Variants in HECTD4 observed in about 807,000 individuals in gnomAD.
HECTD4 encodes the protein probable E3 ubiquitin-protein ligase HECTD4.
In HECTD4, 114 loss-of-function variants were observed where a neutral mutation model predicts 471.5. That is an observed-to-expected ratio of 0.24 (90% CI 0.21 to 0.28). The LOEUF (loss-of-function observed/expected upper bound fraction) is 0.28, where lower values mean the gene tolerates loss of function less well. Among genes scored for constraint, HECTD4 ranks in the 10% least tolerant of loss-of-function variants. The pLI, the probability that HECTD4 is intolerant of heterozygous loss-of-function variation, is 1.00. For synonymous variants in HECTD4, 2,012 were observed against 2,256.0 expected (o/e 0.89, Z 3.07); for missense variants, 3,866 against 5,651.5 (o/e 0.68, Z 10.13).
chr12:112,179,348 C>T lies in HECTD4; in HGVS notation c.11037G>A (p.Lys3679=). 1 of 1,613,296 alleles carries T rather than the reference C, an allele frequency of 6.2e-7. No homozygotes were observed. Among genetic ancestry groups the T allele is most frequent in the Middle Eastern group, 1.6e-4 (1 of 6,062 alleles). ...GCGTCTGCTCTGAATGGGCACAACT[C>T]TTAAATATCTCCGTCAGAACCTCTC... ...GAREVLTEIF[K]SCAHSEQTLS... Residue 3679 remains lysine, a synonymous_variant, in exon 63 of 76, where the codon AAG becomes AAA. Transcript: ENST00000682272. The surrounding 1 kb of genome is among the most constrained non-coding windows in gnomAD (Gnocchi z 4.3).
intron 2 of HECTD4, among the ~76,000 whole-genome samples, chr12:112,314,775 C>G (rs936055805): frequency 6.6e-6 from 1 of 152,174 alleles, no homozygotes; most frequent in African/African-American, 2.4e-5. Flanking sequence ...AGAAGTTCTC[C>G]TTGCATTTGG....
chr12:112,267,102 C>G (rs1164745409), intron 13 of HECTD4, 120 bp from the exon 14 acceptor site: 2 of 642,102 alleles, frequency 3.1e-6, no homozygotes, highest in African/African-American at 3.7e-5. Context: ...CTGGCTGCGA[C>G]ATCTGTCACC....
chr12:112,214,053 ATAATTT>A (rs2032843187), intron 48 of HECTD4, among the ~76,000 whole-genome samples: 2 of 152,072 alleles, frequency 1.3e-5, no homozygotes, highest in Admixed American at 6.6e-5. Context: ...AAATACATAT[ATAATTT>A]TAAACTTCAC....
intron 20 of HECTD4, 162 bp downstream of exon 20, chr12:112,258,326 GCTATAAAT>G: frequency 2.3e-6 from 1 of 434,832 alleles, no homozygotes; most frequent in Non-Finnish European, 4.0e-6. Context: ...CTAACCAGTT[GCTATAAAT>G]CTACAAAGCA....
chr12:112,229,540 T>A (rs1013081573), intron 41 of HECTD4, among the ~76,000 whole-genome samples, 158 bp downstream of exon 41: 4 of 152,216 alleles, frequency 2.6e-5, no homozygotes, highest in African/African-American at 9.6e-5. Flanking sequence ...CAGTGTGGAT[T>A]TGAATTCAAG....
At chr12:112,252,608 T>G (rs1294270087) in intron 22 of HECTD4, 80 bp from the exon 23 acceptor site, 27 of 1,502,966 alleles carry the variant, frequency 1.8e-5, no homozygotes, top group Non-Finnish European at 2.3e-5. Context: ...TTTCAGAGGT[T>G]TACTTTCAAA....
chr12:112,233,855 A>G (rs1333852274), intron 37 of HECTD4, among the ~76,000 whole-genome samples: 6 of 152,180 alleles, frequency 3.9e-5, no homozygotes, highest in Non-Finnish European at 5.9e-5. Flanking sequence ...GTTTTTTTCA[A>G]ACAAAACTGT....
At chr12:112,269,334 G>A (rs2034363348) in intron 13 of HECTD4, among the ~76,000 whole-genome samples, 1 of 152,140 alleles carries the variant, frequency 6.6e-6, no homozygotes, top group Admixed American at 6.5e-5. Context: ...GGTCACACTA[G>A]TGAGTGGCAA....
rs961733336 is a variant in HECTD4, at chr12:112,267,110, A to T, written c.2322-128T>A. 4.4e-5 allele frequency: 28 copies of T among 631,334 alleles called. 1 individual carries two copies. Among genetic ancestry groups the T allele is most frequent in the Middle Eastern group, 8.7e-4 (2 of 2,294 alleles). The allele number at this position is 631,334 out of a possible 1,614,324, so 39.1% of individuals were successfully genotyped here. ...GGGCAATCTGGCTGCGACATCTGTC[A>T]CCCCATTGATCGCTGGGGTTGATTC... On this transcript the variant is annotated intron_variant, in intron 13 of 75. Transcript: ENST00000682272.
Position 112,265,197 on chromosome 12 carries a change from T to C in HECTD4, c.2597A>G (p.Gln866Arg). The C allele has an allele frequency of 6.2e-7, 1 of 1,603,518 alleles. No individual in the cohort carries two copies. Among genetic ancestry groups the C allele is most frequent in the Non-Finnish European group, 8.5e-7 (1 of 1,175,628 alleles). ...KCQTVSKDDF[Q>R]KLLSTVPAAS... ...TACAGGCACAGTTGAAAGGAGCTTT[T>C]GAAAATCATCTTTAGAGACAGTTTG... Residue 866 changes from glutamine to arginine, a missense_variant, in exon 16 of 76, where the codon CAA becomes CGA. Gln to Arg is a conservative substitution (Grantham distance 43, BLOSUM62 1). Around this residue, in one of 16 missense-constraint regions of HECTD4, gnomAD observed 525 missense variants for 672.6 expected, o/e 0.78. Coordinates refer to ENST00000682272, the MANE Select transcript of HECTD4 (RefSeq NM_001388303.1).
intron 23 of HECTD4, 149 bp downstream of exon 23, chr12:112,252,275 A>C: frequency 1.5e-6 from 1 of 662,506 alleles, no homozygotes; most frequent in Non-Finnish European, 2.4e-6. Context: ...AGTACTACTA[A>C]CTGCTAGTAG....
At chr12:112,240,454 C>CT (rs1007880733) in intron 32 of HECTD4, among the ~76,000 whole-genome samples, 129 of 142,532 alleles carry the variant, frequency 9.1e-4, no homozygotes, top group East Asian at 8.1e-4. Context: ...CTTTTCTTTT[C>CT]TTTTTTTTTT....
At position 112,203,995 on chromosome 12, in the gene HECTD4, C is replaced by G. The variant is rs556323501; in HGVS notation, c.8270-223G>C. The stretch of plus-strand genomic sequence containing the variant: ...TAATAGAACGTTGTAAAAGCTCTTA[C>G]AATTGAAGAATAAAAAGACAAATAA... On this transcript the variant is annotated intron_variant, in intron 53 of 75. Transcript: ENST00000682272. Among the ~76,000 whole-genome samples the G allele has an allele frequency of 3.9e-5, 6 of 152,274 alleles. No homozygotes were observed. The East Asian group carries it at 1.2e-3, about 29-fold the overall frequency.
intron 12 of HECTD4, 21 bp from the exon 13 acceptor site, chr12:112,269,870 T>C (rs753634826): frequency 6.2e-7 from 1 of 1,606,564 alleles, no homozygotes; most frequent in Non-Finnish European, 8.5e-7. Context: ...AGAAGGAGTC[T>C]ATCTAAAAAT....
intron 8 of HECTD4, among the ~76,000 whole-genome samples, chr12:112,281,207 G>A (rs767612485): frequency 5.3e-5 from 8 of 151,928 alleles, no homozygotes; most frequent in Non-Finnish European, 8.8e-5. Context: ...ATAAAAGTAC[G>A]ATGATTGCTT....
rs1172334791 is a variant in HECTD4 at position 112,235,163 on chromosome 12, C to G, written c.5829G>C (p.Glu1943Asp). The change falls in exon 37 of 76, where the codon GAG becomes GAC. Residue 1943 changes from glutamate (E) to aspartate (D), a missense_variant. Transcript: ENST00000682272. The surrounding 1 kb of genome is among the most constrained non-coding windows in gnomAD (Gnocchi z 5.0). ...SLKGDKDPGE[E>D]SEAVDGKLSI... ...AGAGCTTGCCATCCACAGCCTCACT[C>G]TCTTCTCCAGGATCTTTATCTCCTT... 6.2e-7 allele frequency: 1 copy of G among 1,613,874 alleles called. No homozygotes were observed. Among genetic ancestry groups the G allele is most frequent in the Admixed American group, 1.7e-5 (1 of 59,994 alleles).
In HECTD4 at chr12:112,173,926, C is replaced by G. The variant is rs2031334724; in HGVS notation, c.11595-1065G>C. ...CCAAGCAGTAAAGCATTTCTCAATT[C>G]TGAAAATGGATTTTTAAAAAAAGCA... On this transcript the variant is annotated intron_variant, in intron 66 of 75. Transcript: ENST00000682272. This position sits in a 1 kb window ranked among gnomAD's most constrained non-coding sequence, Gnocchi z 4.3. Among the ~76,000 whole-genome samples the G allele has an allele frequency of 6.6e-6, 1 of 151,850 alleles. No individual in the cohort carries two copies. Among genetic ancestry groups the G allele is most frequent in the South Asian group, 2.1e-4 (1 of 4,832 alleles).
In HECTD4 at chr12:112,233,095, G is replaced by T; in HGVS notation, c.5916-10C>A. The T allele has an allele frequency of 1.3e-6, 2 of 1,598,284 alleles. No individual in the cohort carries two copies. The highest frequency in any genetic ancestry group is 1.7e-6 in the Non-Finnish European group (2 of 1,172,250). ...CCGTCCTTCTGAACTACTGAAAAAA[G>T]GCAGGCAGAGAACACAGCACACCTT... is the stretch of plus-strand genomic sequence containing the variant. On this transcript the variant is annotated splice_polypyrimidine_tract_variant and intron_variant, in intron 37 of 75. Coordinates refer to ENST00000682272, the MANE Select transcript of HECTD4 (RefSeq NM_001388303.1).
chr12:112,266,202 A>G (rs1001780723), intron 14 of HECTD4, among the ~76,000 whole-genome samples: 20 of 152,214 alleles, frequency 1.3e-4, no homozygotes, highest in African/African-American at 4.3e-4. Flanking sequence ...TAGATCATGA[A>G]GTGTGATTTT....
Sources: allele counts gnomAD v4.1 joint callset (sites outside exome capture counted in the v4.1 genomes callset), GRCh38; gene constraint gnomAD v4.1.1; regional missense constraint gnomAD v4.1.1; non-coding constraint Gnocchi (gnomAD v3.1); transcripts MANE v1.5; gene names NCBI Gene and HGNC (gene_info 2026-07-23, HGNC 2026-07-21).